FAM135A: variants seen among roughly 807,000 people sequenced by gnomAD.
FAM135A encodes protein FAM135A.
FAM135A carries 79 observed loss-of-function variants against 146.8 expected under a neutral mutation model. That is an observed-to-expected ratio of 0.54 (90% CI 0.45 to 0.65). The LOEUF is 0.65. FAM135A is among the 30% of genes least tolerant of loss of function. The probability of loss-of-function intolerance (pLI) is 0.00; values close to 1 mark genes in which losing one functional copy is unlikely to be tolerated. For missense variants in FAM135A, 1,623 were observed against 1,758.2 expected (o/e 0.92, Z 1.38); for synonymous variants, 562 against 603.6 (o/e 0.93, Z 1.01).
chr6:70,451,535 A>G (rs1224624706), intron 4 of FAM135A, among the ~76,000 whole-genome samples: 1 of 152,156 alleles, frequency 6.6e-6, no homozygotes, highest in Admixed American at 6.6e-5. Context: ...GAGTTTTCTC[A>G]TGCCCCTTTA....
chr6:70,498,269 T>A (rs139988117), intron 11 of FAM135A, among the ~76,000 whole-genome samples: 3,112 of 152,312 alleles, frequency 0.02, 105 homozygotes, highest in African/African-American at 0.07. Context: ...TGTAGAGGTG[T>A]TGATAGTATT....
At chr6:70,421,708 A>T (rs1022410586) in intron 2 of FAM135A, among the ~76,000 whole-genome samples, 9 of 152,200 alleles carry the variant, frequency 5.9e-5, no homozygotes, top group Admixed American at 5.9e-4. Context: ...ATGACCCAGT[A>T]AGGAGCCCCA....
At chr6:70,505,188 C>G (rs1358479936) in intron 12 of FAM135A, among the ~76,000 whole-genome samples, 1 of 151,872 alleles carries the variant, frequency 6.6e-6, no homozygotes, top group Non-Finnish European at 1.5e-5. Flanking sequence ...CATATATATT[C>G]TAAGAATATG....
chr6:70,526,000 T>C lies in FAM135A; in HGVS notation c.2916T>C (p.Ile972=), dbSNP rs372934991. ...CAATTACATTAAATTCAAAACTGAT[T>C]TGTTTAGGCACTCCTTGTGTCATTT... ...GTAITLNSKL[I]CLGTPCVISG... Residue 972 remains isoleucine, a synonymous_variant, in exon 15 of 22, where the codon ATT becomes ATC. Coordinates refer to ENST00000418814, the MANE Select transcript of FAM135A (RefSeq NM_001162529.3). 32 of 1,612,856 alleles carry C rather than the reference T, an allele frequency of 2.0e-5. No homozygotes were observed. In the South Asian group the frequency reaches 2.3e-4, roughly 12 times the overall value.
At chr6:70,415,635 A>T in intron 2 of FAM135A, among the ~76,000 whole-genome samples, 1 of 152,156 alleles carries the variant, frequency 6.6e-6, no homozygotes, top group Non-Finnish European at 1.5e-5. Context: ...CTTCCTTCAA[A>T]TAAAAAGCCA....
At chr6:70,471,546 C>G (rs1014205012) in intron 5 of FAM135A, among the ~76,000 whole-genome samples, 1 of 151,788 alleles carries the variant, frequency 6.6e-6, no homozygotes, top group Non-Finnish European at 1.5e-5. Context: ...GAATGACACA[C>G]CCTGGGGCCT....
rs201944664 is a variant in FAM135A at position 70,556,485 on chromosome 6, C to T, written c.4229-265C>T. On this transcript the variant is annotated intron_variant, in intron 20 of 21. Transcript: ENST00000418814. ...AACATTAGTCCACATATTCTGTTCC[C>T]GCCTATCTCCACACCACTGAGCAAC... Among the ~76,000 whole-genome samples, 3 of 152,066 alleles carry T rather than the reference C, an allele frequency of 2.0e-5. No homozygotes were observed. The East Asian group carries it at 5.8e-4, about 29-fold the overall frequency.
At chr6:70,448,558 A>G (rs1315663241) in intron 4 of FAM135A, among the ~76,000 whole-genome samples, 1 of 152,144 alleles carries the variant, frequency 6.6e-6, no homozygotes, top group East Asian at 1.9e-4. Context: ...ACTTGCCAAG[A>G]CCAGCTCAGT....
At chr6:70,554,568 G>C (rs944928512) in intron 20 of FAM135A, among the ~76,000 whole-genome samples, 2 of 152,106 alleles carry the variant, frequency 1.3e-5, no homozygotes, top group Non-Finnish European at 2.9e-5. Flanking sequence ...CCAAGAAATG[G>C]GTAACAGCAG....
chr6:70,423,893 T>A (rs2127734828), intron 2 of FAM135A, among the ~76,000 whole-genome samples: 1 of 152,310 alleles, frequency 6.6e-6, no homozygotes, highest in Admixed American at 6.5e-5. Context: ...GCAAGTCCAG[T>A]GACCTATAAA....
intron 15 of FAM135A, 101 bp downstream of exon 15, chr6:70,526,799 A>C: frequency 2.4e-6 from 2 of 831,508 alleles, no homozygotes; most frequent in Non-Finnish European, 3.5e-6. Flanking sequence ...ACACACACAC[A>C]CACATATATA....
chr6:70,532,338 C>T (rs1388853035), intron 16 of FAM135A, among the ~76,000 whole-genome samples: 1 of 151,988 alleles, frequency 6.6e-6, no homozygotes, highest in Non-Finnish European at 1.5e-5. Flanking sequence ...ACACTTGTGT[C>T]TTATATCTGT....
rs542659682 is a variant in FAM135A at position 70,497,472 on chromosome 6, T to A, written c.874-5164T>A. 9.1e-4 allele frequency among the ~76,000 whole-genome samples: 139 copies of A among 152,280 alleles called. 3 individuals are homozygous for A. The South Asian group carries it at 0.028, about 31-fold the overall frequency. On this transcript the variant is annotated intron_variant, in intron 11 of 21. Transcript: ENST00000418814. ...GACAGTTTGACTTCCTCTCTTCCTATTTGAATACGTTTTATTTCTTTCTCT... is the reference window on the plus strand; with the variant it reads ...GACAGTTTGACTTCCTCTCTTCCTAATTGAATACGTTTTATTTCTTTCTCT...
intron 12 of FAM135A, chr6:70,503,711 T>C (rs1789099686): frequency 6.6e-6 from 1 of 152,208 alleles, no homozygotes. Context: ...AGAGGTTGTT[T>C]CCACCTGTTA....
intron 4 of FAM135A, among the ~76,000 whole-genome samples, chr6:70,435,107 A>T (rs55859709): frequency 0.034 from 2,285 of 66,670 alleles, 72 homozygotes; most frequent in African/African-American, 0.11. Context: ...ATATATATAT[A>T]TATTTTTTTT....
chr6:70,542,278 C>CACACACACACACACACACACACA (rs1424633787), intron 20 of FAM135A, among the ~76,000 whole-genome samples: 4 of 106,746 alleles, frequency 3.7e-5, no homozygotes, highest in African/African-American at 1.1e-4. Context: ...ACACACACAC[C>CACACACACACACACACACACACA]CTTTGCTGTG....
chr6:70,452,838 A>G (rs893871076), intron 5 of FAM135A, among the ~76,000 whole-genome samples: 3 of 152,200 alleles, frequency 2.0e-5, no homozygotes, highest in Non-Finnish European at 4.4e-5. Context: ...ATTATATCAT[A>G]TAAGATGCAA....
chr6:70,549,030 G>C (rs1169014208), intron 20 of FAM135A, among the ~76,000 whole-genome samples: 1 of 152,096 alleles, frequency 6.6e-6, no homozygotes. Flanking sequence ...GTATTGATGA[G>C]TGTGTGAAAC....
intron 8 of FAM135A, among the ~76,000 whole-genome samples, chr6:70,477,700 C>G (rs1328690578): frequency 1.3e-5 from 2 of 152,134 alleles, no homozygotes; most frequent in Admixed American, 6.6e-5. Context: ...TAATCACCTC[C>G]CACCAGGCCC....
Sources: allele counts gnomAD v4.1 joint callset (sites outside exome capture counted in the v4.1 genomes callset), GRCh38; gene constraint gnomAD v4.1.1; transcripts MANE v1.5; gene names NCBI Gene and HGNC (gene_info 2026-07-23, HGNC 2026-07-21).